PTPRK: variants seen among roughly 807,000 people sequenced by gnomAD.
PTPRK encodes the protein receptor-type tyrosine-protein phosphatase kappa.
A neutral mutation model predicts 178.0 loss-of-function variants in PTPRK; 75 were observed. That is an observed-to-expected ratio of 0.42 (90% CI 0.35 to 0.51). The LOEUF (loss-of-function observed/expected upper bound fraction) is 0.51, where lower values mean the gene tolerates loss of function less well. PTPRK is among the 20% of genes least tolerant of loss of function. The pLI is 0.02. For missense variants in PTPRK, 1,441 were observed against 1,797.8 expected (o/e 0.80, Z 3.59); for synonymous variants, 637 against 620.6 (o/e 1.03, Z -0.39).
At chr6:128,102,625 A>G (rs988807773) in intron 7 of PTPRK, among the ~76,000 whole-genome samples, 3 of 152,212 alleles carry the variant, frequency 2.0e-5, no homozygotes, top group Non-Finnish European at 4.4e-5. Context: ...CATTCATCCC[A>G]GGTGGAAGAA....
chr6:128,505,547 C>A (rs1856213751), intron 1 of PTPRK, among the ~76,000 whole-genome samples: 1 of 152,136 alleles, frequency 6.6e-6, no homozygotes, highest in Admixed American at 6.5e-5. Flanking sequence ...GTAGGAGCAT[C>A]CAGTCAGAAC....
At chr6:128,501,754 TTAGC>T (rs1375899972) in intron 1 of PTPRK, among the ~76,000 whole-genome samples, 2 of 152,216 alleles carry the variant, frequency 1.3e-5, no homozygotes, top group African/African-American at 4.8e-5. Flanking sequence ...AAAAGTAACT[TTAGC>T]TAACAAATAG....
chr6:128,155,119 T>C (rs1004098982), intron 7 of PTPRK, among the ~76,000 whole-genome samples: 1 of 151,790 alleles, frequency 6.6e-6, no homozygotes, highest in Non-Finnish European at 1.5e-5. Context: ...TCCTACATTC[T>C]AGATTTCTTT....
chr6:128,012,133 T>A (rs1386736288), intron 13 of PTPRK, among the ~76,000 whole-genome samples: 1 of 151,330 alleles, frequency 6.6e-6, no homozygotes. Context: ...TTGTTTTCCT[T>A]GACTGTGAAT....
intron 1 of PTPRK, among the ~76,000 whole-genome samples, chr6:128,515,787 T>G (rs1278065331): frequency 6.6e-6 from 1 of 152,168 alleles, no homozygotes; most frequent in Non-Finnish European, 1.5e-5. Flanking sequence ...CTCTCAATCT[T>G]CCAGCATCTC....
chr6:128,118,919 T>G (rs1469755625), intron 7 of PTPRK, among the ~76,000 whole-genome samples: 1 of 152,228 alleles, frequency 6.6e-6, no homozygotes, highest in Non-Finnish European at 1.5e-5. Flanking sequence ...TAGCACTTTC[T>G]TTCCCATAGA....
intron 2 of PTPRK, among the ~76,000 whole-genome samples, chr6:128,387,589 A>G (rs933280213): frequency 6.6e-6 from 1 of 152,166 alleles, no homozygotes; most frequent in African/African-American, 2.4e-5. Context: ...ATAATAAATT[A>G]ATCTATCTTT....
chr6:128,285,998 ATC>A (rs998492856), intron 3 of PTPRK, among the ~76,000 whole-genome samples: 8 of 152,070 alleles, frequency 5.3e-5, no homozygotes, highest in Admixed American at 2.0e-4. Context: ...CTGTTGTTAA[ATC>A]CCTTTCTGTA....
rs541394489 is a variant in PTPRK at position 128,266,199 on chromosome 6, G to C, written c.496-23597C>G. ...GCAGTAGGTTGTGGATACAGAACAAGAATCAAACAAGGCTAAAGCTACTAG... is the reference window on the plus strand; with the variant it reads ...GCAGTAGGTTGTGGATACAGAACAACAATCAAACAAGGCTAAAGCTACTAG... On this transcript the variant is annotated intron_variant, in intron 3 of 29. Transcript: ENST00000368226. Among the ~76,000 whole-genome samples, 5 of 152,254 alleles carry C rather than the reference G, an allele frequency of 3.3e-5. No homozygotes were observed. The South Asian group carries it at 1.0e-3, about 32-fold the overall frequency.
intron 6 of PTPRK, among the ~76,000 whole-genome samples, chr6:128,210,314 T>G (rs1480440458): frequency 6.6e-6 from 1 of 151,160 alleles, no homozygotes; most frequent in South Asian, 2.1e-4. Flanking sequence ...TACTTACTGA[T>G]AGTAGGCATT....
intron 2 of PTPRK, among the ~76,000 whole-genome samples, chr6:128,394,166 G>A (rs959256410): frequency 5.3e-5 from 8 of 152,092 alleles, no homozygotes; most frequent in Non-Finnish European, 1.0e-4. Context: ...GATTGTGTTT[G>A]CGAAATTCAT....
At chr6:128,231,551 G>A (rs977823982) in intron 5 of PTPRK, among the ~76,000 whole-genome samples, 2 of 152,196 alleles carry the variant, frequency 1.3e-5, no homozygotes, top group Non-Finnish European at 2.9e-5. Context: ...GGCACCAACA[G>A]TTTTCCCATA....
At chr6:128,357,717 A>T (rs1198896722) in intron 2 of PTPRK, among the ~76,000 whole-genome samples, 1 of 152,268 alleles carries the variant, frequency 6.6e-6, no homozygotes, top group Non-Finnish European at 1.5e-5. Flanking sequence ...TGTTTTTCAA[A>T]ATGATAGAAA....
At chr6:128,207,781 C>T (rs1165579811) in intron 6 of PTPRK, among the ~76,000 whole-genome samples, 2 of 152,082 alleles carry the variant, frequency 1.3e-5, no homozygotes, top group African/African-American at 4.8e-5. Context: ...TAAGTGAAAA[C>T]TTCCTTTAAA....
At chr6:128,375,584 C>T (rs1250985775) in intron 2 of PTPRK, among the ~76,000 whole-genome samples, 2 of 152,026 alleles carry the variant, frequency 1.3e-5, no homozygotes, top group Non-Finnish European at 2.9e-5. Flanking sequence ...ATTCCATCCC[C>T]GGCCCCTCCG....
chr6:128,056,038 G>A (rs79052013), intron 13 of PTPRK, among the ~76,000 whole-genome samples: 3,853 of 146,044 alleles, frequency 0.026, 174 homozygotes, highest in African/African-American at 0.093. Context: ...TGTAAGCCCC[G>A]GCAATGTGGC....
chr6:128,001,176 G>A, intron 15 of PTPRK: 2 of 1,512,214 alleles, frequency 1.3e-6, no homozygotes, highest in Non-Finnish European at 1.8e-6. Flanking sequence ...GTTTTCTAGA[G>A]TTCTTTGCAA....
intron 3 of PTPRK, among the ~76,000 whole-genome samples, chr6:128,308,816 T>C (rs1405390419): frequency 2.0e-5 from 3 of 151,610 alleles, no homozygotes. Context: ...ACATCAATTC[T>C]TCTTAAGTTT....
chr6:128,129,771 A>G lies in PTPRK; in HGVS notation c.1163-39779T>C, dbSNP rs574383509. ...CTAATAGTATTTAGAAAAAAAATTA[A>G]GGTATTGCATTTTATTAGGCATGTC... On this transcript the variant is annotated intron_variant, in intron 7 of 29. Transcript: ENST00000368226. Among the ~76,000 whole-genome samples, 6 of 152,182 alleles carry G rather than the reference A, an allele frequency of 3.9e-5. No individual in the cohort carries two copies. The East Asian group carries it at 1.2e-3, about 29-fold the overall frequency.
Sources: allele counts gnomAD v4.1 joint callset (sites outside exome capture counted in the v4.1 genomes callset), GRCh38; gene constraint gnomAD v4.1.1; transcripts MANE v1.5; gene names NCBI Gene and HGNC (gene_info 2026-07-23, HGNC 2026-07-21).